KATNAL1: variants seen among roughly 807,000 people sequenced by gnomAD.
The protein encoded by KATNAL1 is katanin p60 ATPase-containing subunit A-like 1.
Under a neutral mutation model 55.2 loss-of-function variants are expected in KATNAL1, and 32 were observed. That is an observed-to-expected ratio of 0.58 (90% CI 0.44 to 0.78). The LOEUF (loss-of-function observed/expected upper bound fraction) is 0.78. KATNAL1 is among the 30% of genes least tolerant of loss of function. The pLI is 0.00. For missense variants in KATNAL1, 466 were observed against 600.9 expected, an observed-to-expected ratio of 0.78 and a Z score of 2.35; for synonymous variants, 193 against 193.6, an observed-to-expected ratio of 1.00 and a Z score of 0.02.
At chr13:30,287,296 G>A (rs1029086566) in intron 1 of KATNAL1, among the ~76,000 whole-genome samples, 1 of 152,186 alleles carries the variant, frequency 6.6e-6, no homozygotes, top group African/African-American at 2.4e-5. Context: ...GGAGGTGACT[G>A]GATCATGGGG....
chr13:30,225,163 A>G (rs1875319286), intron 9 of KATNAL1, among the ~76,000 whole-genome samples: 1 of 152,174 alleles, frequency 6.6e-6, no homozygotes, highest in African/African-American at 2.4e-5. Context: ...CAGTGGAAAA[A>G]AAGAGTTCAA....
At chr13:30,256,293 T>C (rs1207123318) in intron 3 of KATNAL1, among the ~76,000 whole-genome samples, 1 of 152,204 alleles carries the variant, frequency 6.6e-6, no homozygotes, top group Non-Finnish European at 1.5e-5. Context: ...AAATAACATA[T>C]TTTGTTTCAT....
At chr13:30,307,008 A>T (rs888548563) in intron 1 of KATNAL1, 1 of 85,746 alleles carries the variant, frequency 1.2e-5, no homozygotes, top group Non-Finnish European at 2.3e-5. Flanking sequence ...CAAGACAAAG[A>T]GAGATTTTTT....
chr13:30,245,862 G>A (rs189357050), intron 4 of KATNAL1, among the ~76,000 whole-genome samples: 2 of 152,166 alleles, frequency 1.3e-5, no homozygotes, highest in African/African-American at 4.8e-5. Context: ...ACCTCTTCAA[G>A]GAGAACTACG....
chr13:30,235,260 A>G (rs1368857911), intron 6 of KATNAL1, among the ~76,000 whole-genome samples: 1 of 152,224 alleles, frequency 6.6e-6, no homozygotes, highest in Non-Finnish European at 1.5e-5. Context: ...GCCTGCACCC[A>G]TTCAGCTTCT....
intron 3 of KATNAL1, among the ~76,000 whole-genome samples, chr13:30,258,914 T>C (rs967461692): frequency 4.6e-5 from 7 of 152,250 alleles, no homozygotes; most frequent in South Asian, 2.1e-4. Flanking sequence ...AAAAGGACTT[T>C]AGAATTTTTT....
intron 6 of KATNAL1, among the ~76,000 whole-genome samples, chr13:30,233,430 G>GTGTTTATCACAGCA (rs1876309778): frequency 2.0e-5 from 3 of 151,944 alleles, no homozygotes; most frequent in Non-Finnish European, 4.4e-5. Flanking sequence ...AATTAAAATG[G>GTGTTTATCACAGCA]CTTTCATCAA....
chr13:30,295,177 G>C (rs752085958), intron 1 of KATNAL1, among the ~76,000 whole-genome samples: 5 of 152,160 alleles, frequency 3.3e-5, no homozygotes, highest in African/African-American at 4.8e-5. Context: ...TAAGGCTATA[G>C]GTGCCATAGA....
chr13:30,285,259 T>C lies in KATNAL1; in HGVS notation c.-14-1468A>G, dbSNP rs554922146. 7.2e-5 allele frequency among the ~76,000 whole-genome samples: 11 copies of C among 152,298 alleles called. No homozygotes were observed. The South Asian group carries it at 2.1e-3, about 29-fold the overall frequency. Reference sequence around the variant, plus strand: ...TACTTGAGAATCACACTGCAACAAATAGTACACTACTAATACGGGTTGGCT... The same window carrying C: ...TACTTGAGAATCACACTGCAACAAACAGTACACTACTAATACGGGTTGGCT... On this transcript the variant is annotated intron_variant, in intron 1 of 10. Transcript: ENST00000380615.
At chr13:30,278,277 G>GA (rs201049063) in intron 3 of KATNAL1, among the ~76,000 whole-genome samples, 3,042 of 144,096 alleles carry the variant, frequency 0.021, 37 homozygotes, top group Non-Finnish European at 0.033. Flanking sequence ...ATCCAAAGAG[G>GA]AAAAAAAAAA....
At chr13:30,249,058 C>CA (rs71093034) in intron 4 of KATNAL1, among the ~76,000 whole-genome samples, 92,471 of 140,640 alleles carry the variant, frequency 0.66, 30,530 homozygotes, top group East Asian at 0.89. Flanking sequence ...GACTCCGTCT[C>CA]AAAAAAAAAA....
chr13:30,296,037 C>CA, intron 1 of KATNAL1: 1 of 179,094 alleles, frequency 5.6e-6, no homozygotes, highest in South Asian at 1.1e-4. Flanking sequence ...GATGCCAATT[C>CA]TAAAAAAAAA....
chr13:30,225,104 T>A (rs1410770332), intron 9 of KATNAL1, among the ~76,000 whole-genome samples: 1 of 152,208 alleles, frequency 6.6e-6, no homozygotes, highest in Non-Finnish European at 1.5e-5. Context: ...AGGTATACAT[T>A]TAGCTAGCTT....
intron 9 of KATNAL1, among the ~76,000 whole-genome samples, chr13:30,218,075 A>G (rs905808270): frequency 2.0e-5 from 3 of 152,124 alleles, no homozygotes; most frequent in African/African-American, 4.8e-5. Context: ...ACAGATAACA[A>G]CACAGAAGTA....
At chr13:30,287,515 C>T (rs1881867984) in intron 1 of KATNAL1, among the ~76,000 whole-genome samples, 1 of 152,120 alleles carries the variant, frequency 6.6e-6, no homozygotes, top group African/African-American at 2.4e-5. Context: ...TATAAATTAC[C>T]CAGTCTCAGG....
At chr13:30,251,171 C>T (rs1878267706) in intron 4 of KATNAL1, among the ~76,000 whole-genome samples, 1 of 150,402 alleles carries the variant, frequency 6.6e-6, no homozygotes, top group Admixed American at 6.6e-5. Context: ...ACTTGAGAAT[C>T]AGAGTTTTAT....
chr13:30,280,303 G>T, intron 2 of KATNAL1, 80 bp from the exon 3 acceptor site: 1 of 1,105,888 alleles, frequency 9.0e-7, no homozygotes, highest in Non-Finnish European at 1.2e-6. Flanking sequence ...ACTATAGAGT[G>T]CACGTTTTCT....
rs977957671 is a variant in KATNAL1 at position 30,208,436 on chromosome 13, A to C, written c.*104T>G. ...TAGATTTTTTTTTCCTTTAAGCGAA[A>C]ACCACTCCACTGAAAAAAATTCCAA... is the stretch of plus-strand genomic sequence containing the variant. On this transcript the variant is annotated 3_prime_UTR_variant, in exon 11 of 11. Coordinates refer to ENST00000380615, the MANE Select transcript of KATNAL1 (RefSeq NM_032116.5). 77 of 939,628 alleles carry C rather than the reference A, an allele frequency of 8.2e-5. No homozygotes were observed. The highest frequency in any genetic ancestry group is 1.1e-4 in the Non-Finnish European group (73 of 642,448). The allele number at this position is 939,628 out of a possible 1,614,324, so 58.2% of individuals were successfully genotyped here. A position where few individuals can be genotyped will look rare whatever the true frequency, so the allele number is the denominator to read the frequency against.
chr13:30,244,473 T>C (rs1048053426), intron 4 of KATNAL1, among the ~76,000 whole-genome samples: 1 of 152,216 alleles, frequency 6.6e-6, no homozygotes, highest in Non-Finnish European at 1.5e-5. Context: ...AGGGTATTTC[T>C]GGTTCTAGAT....
Sources: gnomAD v4.1 joint callset for allele counts (sites outside exome capture counted in the v4.1 genomes callset) on GRCh38, gnomAD v4.1.1 for gene constraint, MANE v1.5 for transcripts, NCBI Gene and HGNC (gene_info 2026-07-23, HGNC 2026-07-21) for gene names.